TNS1: variants seen among roughly 807,000 people sequenced by gnomAD.
TNS1 encodes tensin-1.
A neutral mutation model predicts 168.6 loss-of-function variants in TNS1; 62 were observed. The observed-to-expected ratio is 0.37, with a 90% CI of 0.30 to 0.45. TNS1 has a LOEUF of 0.45. TNS1 is among the 20% of genes least tolerant of loss of function. The pLI is 1.00. For synonymous variants in TNS1, 934 were observed against 933.2 expected (o/e 1.00, Z -0.02); for missense variants, 2,240 against 2,339.4 (o/e 0.96, Z 0.88).
intron 3 of TNS1, among the ~76,000 whole-genome samples, chr2:217,959,928 T>C (rs2125999543): frequency 6.6e-6 from 1 of 152,184 alleles, no homozygotes; most frequent in East Asian, 1.9e-4. Context: ...GGTCAGGCCC[T>C]ATTCAGAGCT....
chr2:217,946,965 T>TCACACACACACACACA (rs1434475994), intron 3 of TNS1, among the ~76,000 whole-genome samples: 1 of 130,576 alleles, frequency 7.7e-6, no homozygotes, highest in Non-Finnish European at 1.5e-5. Flanking sequence ...TCTCTCTCTC[T>TCACACACACACACACA]CTCTCACACA....
intron 18 of TNS1, among the ~76,000 whole-genome samples, chr2:217,856,417 A>T (rs1948145028): frequency 3.3e-5 from 5 of 152,164 alleles, no homozygotes; most frequent in Admixed American, 2.6e-4. Flanking sequence ...GCCTCCACCC[A>T]TGCCAGCTTC....
intron 19 of TNS1, among the ~76,000 whole-genome samples, chr2:217,837,655 T>G (rs1260039150): frequency 6.6e-6 from 1 of 152,258 alleles, no homozygotes; most frequent in Admixed American, 6.5e-5. Flanking sequence ...GCAGCCCTGC[T>G]GCCATCTCAG....
At position 217,804,564 on chromosome 2, in the gene TNS1, C is replaced by G; in HGVS notation, c.5415G>C (p.Thr1805=). ...CAGCAAAGAGGTGGCAGGCGTTGTC[C>G]GTGGTGCTGCCCTGCTTCCGGGCCA... is the stretch of plus-strand genomic sequence containing the variant. ...GFVARKQGST[T]DNACHLFAEL... is the part of the protein sequence containing the mutation. Residue 1805 remains threonine (T), a synonymous_variant, in exon 33 of 33, where the codon ACG becomes ACC. Coordinates refer to ENST00000682258, the MANE Select transcript of TNS1 (RefSeq NM_001387777.1). The G allele has an allele frequency of 1.2e-6, 2 of 1,614,146 alleles. No individual in the cohort carries two copies. Among genetic ancestry groups the G allele is most frequent in the Middle Eastern group, 1.7e-4 (1 of 6,058 alleles).
intron 4 of TNS1, among the ~76,000 whole-genome samples, chr2:217,908,932 A>G (rs1036987678): frequency 5.3e-5 from 8 of 152,094 alleles, no homozygotes; most frequent in African/African-American, 1.9e-4. Context: ...TAATGATGGC[A>G]CGTTCTGCCC....
At chr2:217,991,136 G>A in intron 1 of TNS1, 80 bp from the exon 2 acceptor site, 1 of 495,362 alleles carries the variant, frequency 2.0e-6, no homozygotes, top group Non-Finnish European at 3.7e-6. Flanking sequence ...CTGGGGGAGA[G>A]GTAGGCAGGG....
intron 3 of TNS1, among the ~76,000 whole-genome samples, chr2:217,954,742 C>A (rs1286230763): frequency 6.6e-6 from 1 of 152,168 alleles, no homozygotes; most frequent in Non-Finnish European, 1.5e-5. Flanking sequence ...GTGCTGCTGA[C>A]CTCTCCTTCC....
chr2:217,851,851 G>A (rs1206195395), intron 18 of TNS1, among the ~76,000 whole-genome samples: 1 of 152,136 alleles, frequency 6.6e-6, no homozygotes, highest in Non-Finnish European at 1.5e-5. Context: ...ACACATAAAA[G>A]AAGAGACCTC....
At chr2:218,010,587 G>C (rs547886047), upstream of TNS1, among the ~76,000 whole-genome samples, 6 of 152,000 alleles carry the variant, frequency 3.9e-5, no homozygotes, top group East Asian at 1.2e-3. Flanking sequence ...CTGAGGTTCG[G>C]GGAGCCGCGC....
chr2:217,884,010 G>T (rs114311648), intron 16 of TNS1, among the ~76,000 whole-genome samples: 80 of 152,298 alleles, frequency 5.3e-4, no homozygotes, highest in African/African-American at 1.8e-3. Context: ...TATCATGTTT[G>T]TGTGTCTCTC....
At chr2:217,994,789 C>T (rs1334693456) in intron 1 of TNS1, among the ~76,000 whole-genome samples, 1 of 152,266 alleles carries the variant, frequency 6.6e-6, no homozygotes, top group Non-Finnish European at 1.5e-5. Context: ...AGGTCCATCT[C>T]TGCCCTTGCT....
chr2:217,816,106 G>A (rs1941847876), intron 24 of TNS1, among the ~76,000 whole-genome samples: 1 of 152,208 alleles, frequency 6.6e-6, no homozygotes, highest in Non-Finnish European at 1.5e-5. Flanking sequence ...ATTCAGGGAT[G>A]AGAAGTGACT....
intron 22 of TNS1, among the ~76,000 whole-genome samples, chr2:217,822,245 G>C (rs760735534): frequency 6.6e-6 from 1 of 152,128 alleles, no homozygotes; most frequent in Non-Finnish European, 1.5e-5. Context: ...CCCTTTGGCT[G>C]CTCTCTTTCT....
intron 7 of TNS1, among the ~76,000 whole-genome samples, chr2:217,899,040 G>A (rs1382836555): frequency 6.6e-6 from 1 of 152,194 alleles, no homozygotes; most frequent in Non-Finnish European, 1.5e-5. Context: ...AGAGTGGAGG[G>A]CAGCGAAAGG....
At chr2:217,838,140 C>G (rs1945421499) in intron 19 of TNS1, among the ~76,000 whole-genome samples, 1 of 152,244 alleles carries the variant, frequency 6.6e-6, no homozygotes, top group South Asian at 2.1e-4. Flanking sequence ...GGTCTCAGTT[C>G]CGGGCTCCTC....
intron 1 of TNS1, among the ~76,000 whole-genome samples, chr2:218,027,547 T>C (rs1396001959): frequency 1.3e-5 from 2 of 152,046 alleles, no homozygotes; most frequent in Non-Finnish European, 1.5e-5. Flanking sequence ...CTTTCCAGAC[T>C]GTCCCAAGCA....
intron 3 of TNS1, among the ~76,000 whole-genome samples, chr2:217,973,049 T>C (rs376746000): frequency 2.0e-5 from 3 of 152,056 alleles, no homozygotes. Flanking sequence ...ACAGCACATG[T>C]GCTAACATAA....
At chr2:217,932,057 A>G (rs969221108) in intron 3 of TNS1, among the ~76,000 whole-genome samples, 21 of 152,300 alleles carry the variant, frequency 1.4e-4, no homozygotes, top group East Asian at 3.9e-4. Context: ...CTATGGCTTT[A>G]TGTTCCCTGG....
chr2:217,826,688 T>TGCAGC, intron 22 of TNS1, among the ~76,000 whole-genome samples: 1 of 152,078 alleles, frequency 6.6e-6, no homozygotes, highest in Non-Finnish European at 1.5e-5. Context: ...TTCCCTCCAA[T>TGCAGC]CCTGGAGCAG....
Sources: allele counts gnomAD v4.1 joint callset (sites outside exome capture counted in the v4.1 genomes callset), GRCh38; gene constraint gnomAD v4.1.1; transcripts MANE v1.5; gene names NCBI Gene and HGNC (gene_info 2026-07-23, HGNC 2026-07-21).